MLKL: variants seen among roughly 807,000 people sequenced by gnomAD.
MLKL encodes mixed lineage kinase domain like pseudokinase.
A neutral mutation model predicts 56.5 loss-of-function variants in MLKL; 55 were observed. That is an observed-to-expected ratio of 0.97 (90% CI 0.78 to 1.22). The LOEUF is 1.22. Ranked by LOEUF, MLKL falls within the 50% of genes most tolerant of loss-of-function variation. MLKL has a pLI of 0.00. For missense variants in MLKL, 694 were observed against 573.9 expected (o/e 1.21, Z -2.14); for synonymous variants, 251 against 208.3 (o/e 1.20, Z -1.76).
rs1961000172 is a variant in MLKL, at chr16:74,695,749, A to T, written c.9T>A (p.Asn3Lys). ...GGCCAAGGGTGATAATATGCTTCAA[A>T]TTTTCCATGCCTGGAAGAAATGAAT... is the stretch of plus-strand genomic sequence containing the variant. ME[N>K]LKHIITLGQV... is the part of the protein sequence containing the mutation. The change falls in exon 2 of 11, where the codon AAT (asparagine) becomes AAA (lysine). Residue 3 changes from asparagine to lysine, a missense_variant. By Grantham distance (94) the Asn-to-Lys change is moderately conservative. Coordinates refer to ENST00000308807, the MANE Select transcript of MLKL (RefSeq NM_152649.4). 6.3e-7 allele frequency: 1 copy of T among 1,585,186 alleles called. No individual in the cohort carries two copies. The highest frequency in any genetic ancestry group is 1.4e-5 in the African/African-American group (1 of 73,634).
At chr16:74,679,833 A>G (rs546379411) in intron 6 of MLKL, among the ~76,000 whole-genome samples, 47 of 152,068 alleles carry the variant, frequency 3.1e-4, no homozygotes, top group African/African-American at 1.1e-3. Flanking sequence ...AATAACTCCA[A>G]AAGTCCCCCA....
At position 74,695,358 on chromosome 16, in the gene MLKL, C is replaced by A. The variant is rs1443150936; in HGVS notation, c.400G>T (p.Ala134Ser). The A allele has an allele frequency of 1.2e-6, 2 of 1,614,082 alleles. No individual in the cohort carries two copies. The highest frequency in any genetic ancestry group is 1.3e-5 in the African/African-American group (1 of 74,946). ...TCTGCATCCTGCTGATCTTCCTGTG[C>A]CCAGGACGCTCCTTGGCTTATGGGT... ...VSPISQGASW[A>S]QEDQQDADED... The change falls in exon 2 of 11, where the codon GCA becomes TCA. Residue 134 changes from alanine (A) to serine (S), a missense_variant. Physicochemically the swap from Ala to Ser is moderately conservative, Grantham distance 99. Coordinates refer to ENST00000308807, the MANE Select transcript of MLKL (RefSeq NM_152649.4).
chr16:74,687,124 T>C (rs1960378867), intron 4 of MLKL, among the ~76,000 whole-genome samples: 1 of 151,920 alleles, frequency 6.6e-6, no homozygotes, highest in Admixed American at 6.6e-5. Context: ...TACAGGCGCT[T>C]GCTACCATGC....
chr16:74,686,532 G>A (rs1238161744), intron 4 of MLKL, among the ~76,000 whole-genome samples: 8 of 152,070 alleles, frequency 5.3e-5, no homozygotes, highest in Admixed American at 2.6e-4. Context: ...GCAGTGAGCC[G>A]AGATCACACC....
chr16:74,674,909 A>C, intron 10 of MLKL, 51 bp downstream of exon 10: 1 of 1,575,532 alleles, frequency 6.3e-7, no homozygotes, highest in Non-Finnish European at 8.6e-7. Context: ...ATCTTTCACA[A>C]GTGTGAAATA....
Position 74,682,626 on chromosome 16 carries a change from G to A in MLKL, c.956+25C>T, listed in dbSNP as rs2068201. On this transcript the variant is annotated intron_variant, in intron 6 of 10. Coordinates refer to ENST00000308807, the MANE Select transcript of MLKL (RefSeq NM_152649.4). ...TGTGGACAGACCCATCCAACCCTTA[G>A]TGGCGCCTTTTCACCCCGTCTTACC... 8.5e-3 allele frequency: 13,771 copies of A among 1,612,776 alleles called. 1,754 individuals are homozygous for A. In the Admixed American group the frequency reaches 0.22, roughly 25 times the overall value.
intron 1 of MLKL, among the ~76,000 whole-genome samples, chr16:74,696,954 CA>C (rs1225518087): frequency 7.2e-5 from 10 of 138,134 alleles, no homozygotes; most frequent in South Asian, 2.2e-4. Flanking sequence ...TATAATATTA[CA>C]TATATATAGT....
Position 74,675,616 on chromosome 16 carries a change from T to G in MLKL, c.1187A>C (p.Tyr396Ser). 6.2e-7 allele frequency: 1 copy of G among 1,613,004 alleles called. No homozygotes were observed. The highest frequency in any genetic ancestry group is 8.5e-7 in the Non-Finnish European group (1 of 1,179,862). Residue 396 changes from tyrosine (Y) to serine (S), a missense_variant, in exon 8 of 11, where the codon TAC becomes TCC. Transcript: ENST00000308807. ...CTGTACCAGAACGTGAGTGTACCTG[T>G]ATATTTCAGACTTTACATCATATTG... ...FYQYDVKSEIYSFGIVLWEIA... is the reference protein window; with the variant it reads ...FYQYDVKSEISSFGIVLWEIA...
chr16:74,680,753 C>G (rs919392978), intron 6 of MLKL, among the ~76,000 whole-genome samples: 1 of 152,152 alleles, frequency 6.6e-6, no homozygotes, highest in Non-Finnish European at 1.5e-5. Flanking sequence ...GATCTGTCCG[C>G]CTCAGCCTCC....
chr16:74,693,856 G>C (rs1001827396), intron 2 of MLKL, among the ~76,000 whole-genome samples: 2 of 152,220 alleles, frequency 1.3e-5, no homozygotes, highest in Non-Finnish European at 2.9e-5. Context: ...GCCCGCCTCG[G>C]CCTCCCAAAG....
intron 4 of MLKL, 147 bp downstream of exon 4, chr16:74,691,130 G>C (rs796126907): frequency 4.9e-6 from 3 of 608,030 alleles, no homozygotes; most frequent in Non-Finnish European, 5.6e-6. Context: ...TTTAAGTCAA[G>C]ACTCTGCTCC....
In MLKL at chr16:74,682,644, G is replaced by T; in HGVS notation, c.956+7C>A. 6.2e-7 allele frequency: 1 copy of T among 1,613,744 alleles called. No homozygotes were observed. The highest frequency in any genetic ancestry group is 8.5e-7 in the Non-Finnish European group (1 of 1,179,948). ...ACCCTTAGTGGCGCCTTTTCACCCC[G>T]TCTTACCGGTATAGGCCTCGGGCTG... is the stretch of plus-strand genomic sequence containing the variant. On this transcript the variant is annotated splice_region_variant and intron_variant, in intron 6 of 10. Transcript: ENST00000308807.
chr16:74,673,660 C>T lies in MLKL; in HGVS notation c.1382-1122G>A, dbSNP rs187643300. On this transcript the variant is annotated intron_variant, in intron 10 of 10. Coordinates refer to ENST00000308807, the MANE Select transcript of MLKL (RefSeq NM_152649.4). The stretch of plus-strand genomic sequence containing the variant: ...GACATGGTGAGATAAAAGTCTGCAT[C>T]GAGGAAATAATCCCAAGGATGCTGA... 8.5e-4 allele frequency among the ~76,000 whole-genome samples: 129 copies of T among 150,882 alleles called. 1 individual carries two copies. The South Asian group carries it at 0.026, about 30-fold the overall frequency.
At chr16:74,686,861 T>C (rs1455460427) in intron 4 of MLKL, among the ~76,000 whole-genome samples, 1 of 152,182 alleles carries the variant, frequency 6.6e-6, no homozygotes, top group Non-Finnish European at 1.5e-5. Flanking sequence ...AAATTAAAAA[T>C]TTTCATTTCC....
intron 2 of MLKL, among the ~76,000 whole-genome samples, chr16:74,693,203 C>G (rs1960781304): frequency 6.6e-6 from 1 of 151,976 alleles, no homozygotes; most frequent in South Asian, 2.1e-4. Context: ...GCCTGTAATC[C>G]TAGCACTTTG....
At chr16:74,678,839 C>T (rs564774576) in intron 7 of MLKL, 60 bp downstream of exon 7, 1 of 1,189,886 alleles carries the variant, frequency 8.4e-7, no homozygotes, top group Non-Finnish European at 1.3e-6. Context: ...ACACTCGTGC[C>T]CCTCTCATAG....
chr16:74,682,602 G>T (rs184002743), intron 6 of MLKL, 49 bp downstream of exon 6: 443 of 1,606,180 alleles, frequency 2.8e-4, no homozygotes, highest in Middle Eastern at 8.4e-4. Flanking sequence ...TATCAGGAGT[G>T]TGGACAGACC....
chr16:74,686,856 A>T (rs1002719352), intron 4 of MLKL, among the ~76,000 whole-genome samples: 11 of 152,230 alleles, frequency 7.2e-5, no homozygotes, highest in African/African-American at 2.7e-4. Context: ...AGATTAAATT[A>T]AAAATTTTCA....
rs914743824 is a variant in MLKL, at chr16:74,695,841, C to G, written c.-2-82G>C. 3.9e-6 allele frequency: 5 copies of G among 1,286,126 alleles called. No individual in the cohort carries two copies. In the African/African-American group the frequency reaches 7.4e-5, roughly 19 times the overall value. The allele number at this position is 1,286,126 out of a possible 1,614,324, so 79.7% of individuals were successfully genotyped here. A position where few individuals can be genotyped will look rare whatever the true frequency, so the allele number is the denominator to read the frequency against. ...TTGGCTAAGAAAGAATCAAAGCGGT[C>G]TGTGACTTAAATGCCTGAGGAGGTC... On this transcript the variant is annotated intron_variant, in intron 1 of 10. Transcript: ENST00000308807.
Sources: allele counts gnomAD v4.1 joint callset (sites outside exome capture counted in the v4.1 genomes callset), GRCh38; gene constraint gnomAD v4.1.1; transcripts MANE v1.5; gene names NCBI Gene and HGNC (gene_info 2026-07-23, HGNC 2026-07-21).